Variants in NPNT observed in about 807,000 individuals in gnomAD.
The protein encoded by NPNT is preosteoblast EGF-like repeat protein with MAM domain.
NPNT carries 45 observed loss-of-function variants against 68.6 expected under a neutral mutation model. That is an observed-to-expected ratio of 0.66 (90% CI 0.52 to 0.84). The LOEUF is 0.84. Among genes scored for constraint, NPNT ranks in the 40% least tolerant of loss-of-function variants. The pLI is 0.00. For synonymous variants in NPNT, 233 were observed against 253.3 expected (o/e 0.92, Z 0.76); for missense variants, 672 against 714.8 (o/e 0.94, Z 0.68).
chr4:105,953,608 GAGAC>G (rs1247605282), intron 8 of NPNT, among the ~76,000 whole-genome samples: 4 of 152,274 alleles, frequency 2.6e-5, no homozygotes, highest in African/African-American at 9.6e-5. Flanking sequence ...GGGGGAGAGA[GAGAC>G]AGGGAGAGGA....
chr4:105,917,791 A>G (rs2149341242), intron 2 of NPNT, among the ~76,000 whole-genome samples: 1 of 152,284 alleles, frequency 6.6e-6, no homozygotes, highest in South Asian at 2.1e-4. Context: ...GTGTATTTCT[A>G]AGAACTGCAA....
chr4:105,961,215 C>T (rs1479173808), intron 10 of NPNT, among the ~76,000 whole-genome samples: 4 of 152,150 alleles, frequency 2.6e-5, no homozygotes, highest in Non-Finnish European at 5.9e-5. Flanking sequence ...AGAACATCTG[C>T]AGCATTATTG....
At chr4:105,948,185 A>G (rs1730533785) in intron 8 of NPNT, among the ~76,000 whole-genome samples, 1 of 152,192 alleles carries the variant, frequency 6.6e-6, no homozygotes, top group Non-Finnish European at 1.5e-5. Flanking sequence ...TCTAAGTCTA[A>G]TATACTTCTA....
Position 105,959,134 on chromosome 4 carries a change from C to G in NPNT, c.1345+8C>G. On this transcript the variant is annotated splice_region_variant and intron_variant, in intron 10 of 11. Transcript: ENST00000379987. ...CAATCAGGGACCCAGCAGGTAAAAC[C>G]ATTTCATTTAACTTTTTCTGGTACA... 1.3e-6 allele frequency: 2 copies of G among 1,583,630 alleles called. No individual in the cohort carries two copies. Among genetic ancestry groups the G allele is most frequent in the African/African-American group, 1.3e-5 (1 of 74,356 alleles).
intron 8 of NPNT, among the ~76,000 whole-genome samples, chr4:105,954,737 G>C (rs1731085564): frequency 6.6e-6 from 1 of 152,020 alleles, no homozygotes; most frequent in Non-Finnish European, 1.5e-5. Flanking sequence ...ATAGCTCATA[G>C]TACTTCTTCT....
intron 2 of NPNT, among the ~76,000 whole-genome samples, chr4:105,913,239 TA>T (rs563167063): frequency 2.6e-5 from 4 of 152,006 alleles, no homozygotes; most frequent in Non-Finnish European, 5.9e-5. Flanking sequence ...AGAATTTTAA[TA>T]AAAAAAATAT....
chr4:105,950,347 TTTTATGC>T (rs1269917117), intron 8 of NPNT, among the ~76,000 whole-genome samples: 2 of 1,528 alleles, frequency 1.3e-3, no homozygotes, highest in Non-Finnish European at 3.8e-3. Context: ...AACATAGTTA[TTTTATGC>T]TTATCTTAAG....
At chr4:105,927,466 C>T (rs1284996424) in intron 3 of NPNT, 38 bp downstream of exon 3, 6 of 1,177,476 alleles carry the variant, frequency 5.1e-6, no homozygotes, top group Non-Finnish European at 6.2e-6. Context: ...CAATCGAAGA[C>T]ACCTCTATCA....
At chr4:105,932,480 TA>T (rs1436537861) in intron 3 of NPNT, 2 of 537,678 alleles carry the variant, frequency 3.7e-6, no homozygotes, top group Non-Finnish European at 6.5e-6. Flanking sequence ...CTATTGTTTA[TA>T]AAGTATCTAA....
intron 8 of NPNT, among the ~76,000 whole-genome samples, chr4:105,944,948 A>C (rs761793057): frequency 2.0e-4 from 31 of 152,360 alleles, no homozygotes; most frequent in Admixed American, 3.9e-4. Flanking sequence ...ATTTCAGTTC[A>C]ACACCATTTC....
intron 2 of NPNT, among the ~76,000 whole-genome samples, chr4:105,922,755 T>A (rs1728355158): frequency 6.6e-6 from 1 of 152,198 alleles, no homozygotes; most frequent in Non-Finnish European, 1.5e-5. Context: ...TTGAGGGCAC[T>A]TTGAAGATTA....
rs564225080 is a variant in NPNT, at chr4:105,928,339, C to A, written c.265+911C>A. Among the ~76,000 whole-genome samples, 4 of 152,100 alleles carry A rather than the reference C, an allele frequency of 2.6e-5. No individual in the cohort carries two copies. In the East Asian group the frequency reaches 5.8e-4, roughly 22 times the overall value. ...TTAAAAATTTCCATTATTGGCCTGG[C>A]GTGGTGGCTCACACCTGTAATCCCA... On this transcript the variant is annotated intron_variant, in intron 3 of 11. Transcript: ENST00000379987.
Position 105,970,858 on chromosome 4 carries a change from C to T in NPNT, c.*1868C>T, listed in dbSNP as rs1732514257. 3 of 308,140 alleles carry T rather than the reference C, an allele frequency of 9.7e-6. No homozygotes were observed. The highest frequency in any genetic ancestry group is 4.4e-5 in the African/African-American group (2 of 45,962). The allele number at this position is 308,140 out of a possible 1,614,324, so 19.1% of individuals were successfully genotyped here. A position where few individuals can be genotyped will look rare whatever the true frequency, so the allele number is the denominator to read the frequency against. ...TTAATTTAGGCATTTCCCTCTTGAC[C>T]TCCTAATGGAGAGGGATTGAAAGGG... On this transcript the variant is annotated 3_prime_UTR_variant, in exon 12 of 12. Coordinates refer to ENST00000379987, the MANE Select transcript of NPNT (RefSeq NM_001033047.3).
At chr4:105,896,025 G>T (rs1251153732) in intron 1 of NPNT, 15 of 432,710 alleles carry the variant, frequency 3.5e-5, no homozygotes, top group African/African-American at 2.1e-5. Flanking sequence ...TCTCGGCTCT[G>T]AGGGCGCGGT....
At chr4:105,948,336 A>G (rs1730545908) in intron 8 of NPNT, among the ~76,000 whole-genome samples, 1 of 152,192 alleles carries the variant, frequency 6.6e-6, no homozygotes, top group Admixed American at 6.5e-5. Flanking sequence ...CTTGATTTCT[A>G]CCTCTATTTA....
At chr4:105,895,896 C>A in intron 1 of NPNT, 173 bp downstream of exon 1, 1 of 604,032 alleles carries the variant, frequency 1.7e-6, no homozygotes, top group Non-Finnish European at 2.9e-6. Context: ...TCCGAGTGCC[C>A]GCCCGAGGCG....
At chr4:105,965,652 A>C (rs1732063925) in intron 10 of NPNT, among the ~76,000 whole-genome samples, 1 of 152,158 alleles carries the variant, frequency 6.6e-6, no homozygotes, top group Non-Finnish European at 1.5e-5. Flanking sequence ...TCAAAAGCTG[A>C]CTTATAGTGA....
chr4:105,910,641 T>A (rs185740461), intron 2 of NPNT, among the ~76,000 whole-genome samples: 11 of 152,314 alleles, frequency 7.2e-5, no homozygotes. Context: ...CTATTCCAGA[T>A]TTAACATTGC....
intron 2 of NPNT, among the ~76,000 whole-genome samples, chr4:105,904,867 G>A (rs1037518966): frequency 6.6e-6 from 1 of 151,782 alleles, no homozygotes; most frequent in Non-Finnish European, 1.5e-5. Flanking sequence ...ATCAACTGAT[G>A]GAGTTGATAT....
Sources: allele counts gnomAD v4.1 joint callset (sites outside exome capture counted in the v4.1 genomes callset), GRCh38; gene constraint gnomAD v4.1.1; transcripts MANE v1.5; gene names NCBI Gene and HGNC (gene_info 2026-07-23, HGNC 2026-07-21).